The following NALCN variants were observed in gnomAD, a reference collection of about 807,000 sequenced individuals.
The protein encoded by NALCN is sodium leak channel, non-selective, also known as sodium leak channel NALCN.
In NALCN, 111 loss-of-function variants were observed where a neutral mutation model predicts 225.3. That is an observed-to-expected ratio of 0.49 (90% CI 0.42 to 0.58). The LOEUF (loss-of-function observed/expected upper bound fraction) is 0.58. NALCN is among the 20% of genes least tolerant of loss of function. NALCN has a pLI of 0.00. For synonymous variants in NALCN, 764 were observed against 769.0 expected (o/e 0.99, Z 0.11); for missense variants, 1,378 against 2,202.4 (o/e 0.63, Z 7.49).
At chr13:101,163,992 GCTCT>G (rs1319197895) in intron 15 of NALCN, among the ~76,000 whole-genome samples, 3 of 152,026 alleles carry the variant, frequency 2.0e-5, no homozygotes, top group Non-Finnish European at 2.9e-5. Flanking sequence ...ATCACACAGT[GCTCT>G]CTCTGTGTGT....
chr13:101,336,085 A>G lies in NALCN; in HGVS notation c.799+9181T>C, dbSNP rs2045369435. Among the ~76,000 whole-genome samples, 3 of 152,182 alleles carry G rather than the reference A, an allele frequency of 2.0e-5. No individual in the cohort carries two copies. In the South Asian group the frequency reaches 6.2e-4, roughly 32 times the overall value. ...AGAATACTAATAGAAAAAGATATAG[A>G]AAGTTATTTCAAAGTCAAGCAAATC... On this transcript the variant is annotated intron_variant, in intron 7 of 43. Coordinates refer to ENST00000251127, the MANE Select transcript of NALCN (RefSeq NM_052867.4).
Position 101,292,437 on chromosome 13 carries a change from C to G in NALCN, c.800-71G>C. ...AATAAGAAAGCATTTTCCAGAAAAACAATCAATATTTATCCATACTTATTT... is the reference window on the plus strand; with the variant it reads ...AATAAGAAAGCATTTTCCAGAAAAAGAATCAATATTTATCCATACTTATTT... On this transcript the variant is annotated intron_variant, in intron 7 of 43. Transcript: ENST00000251127. This position sits in a 1 kb window ranked among gnomAD's most constrained non-coding sequence, Gnocchi z 4.3. The G allele has an allele frequency of 1.4e-6, 2 of 1,478,404 alleles. No individual in the cohort carries two copies. The highest frequency in any genetic ancestry group is 1.8e-6 in the Non-Finnish European group (2 of 1,093,530). The allele number at this position is 1,478,404 out of a possible 1,614,324, so 91.6% of individuals were successfully genotyped here.
chr13:101,074,570 G>A lies in NALCN; in HGVS notation c.4047C>T (p.Tyr1349=), dbSNP rs779245991. Residue 1349 remains tyrosine (Y), a synonymous_variant, in exon 36 of 44, where the codon TAC becomes TAT. Coordinates refer to ENST00000251127, the MANE Select transcript of NALCN (RefSeq NM_052867.4). ...IVGMFLLLLC[Y]AFAGVVLFGT... is the part of the protein sequence containing the mutation. ...CAAATAAAACAACTCCAGCAAAAGC[G>A]TAACACAGCAGCAAGAGAAACATGC... The A allele has an allele frequency of 1.2e-5, 20 of 1,613,546 alleles. No homozygotes were observed. Among genetic ancestry groups the A allele is most frequent in the Middle Eastern group, 1.7e-4 (1 of 6,060 alleles).
At chr13:101,171,420 T>C (rs1237169449) in intron 15 of NALCN, among the ~76,000 whole-genome samples, 1 of 151,204 alleles carries the variant, frequency 6.6e-6, no homozygotes, top group Non-Finnish European at 1.5e-5. Flanking sequence ...TATGTAATAA[T>C]AGATATACAC....
intron 7 of NALCN, among the ~76,000 whole-genome samples, chr13:101,295,790 G>A (rs952325462): frequency 3.3e-5 from 5 of 152,320 alleles, no homozygotes; most frequent in African/African-American, 1.2e-4. Flanking sequence ...AGTTACAAAG[G>A]CAAAGGCAAT....
At chr13:101,389,897 C>T (rs1032255438) in intron 3 of NALCN, among the ~76,000 whole-genome samples, 9 of 152,146 alleles carry the variant, frequency 5.9e-5, no homozygotes, top group Non-Finnish European at 1.3e-4. Flanking sequence ...GCCTGGCCAA[C>T]GTGGTGAAAC....
At chr13:101,318,206 G>A (rs1294713419) in intron 7 of NALCN, among the ~76,000 whole-genome samples, 1 of 152,094 alleles carries the variant, frequency 6.6e-6, no homozygotes, top group African/African-American at 2.4e-5. Context: ...GGCAGCATTT[G>A]ACTTTCACTA....
At chr13:101,217,586 CTACT>C (rs1390257335) in intron 13 of NALCN, among the ~76,000 whole-genome samples, 1 of 152,168 alleles carries the variant, frequency 6.6e-6, no homozygotes, top group African/African-American at 2.4e-5. Context: ...CTTTCTGACT[CTACT>C]TACTGATGCT....
At chr13:101,263,022 A>C (rs986511947) in intron 10 of NALCN, among the ~76,000 whole-genome samples, 1 of 152,236 alleles carries the variant, frequency 6.6e-6, no homozygotes, top group Non-Finnish European at 1.5e-5. Flanking sequence ...CGGGAATGAG[A>C]AATTAATTAC....
intron 7 of NALCN, among the ~76,000 whole-genome samples, chr13:101,326,519 T>G (rs2044958076): frequency 1.3e-5 from 2 of 152,156 alleles, no homozygotes; most frequent in South Asian, 4.1e-4. Context: ...TCTAATTAGT[T>G]TTTGGAAAAT....
intron 13 of NALCN, among the ~76,000 whole-genome samples, chr13:101,216,468 T>TA (rs2040736025): frequency 1.3e-5 from 2 of 151,996 alleles, no homozygotes; most frequent in Non-Finnish European, 2.9e-5. Flanking sequence ...CTATTGCAAT[T>TA]TAGTGTTTGT....
At chr13:101,225,006 C>A (rs982383045) in intron 13 of NALCN, among the ~76,000 whole-genome samples, 5 of 152,198 alleles carry the variant, frequency 3.3e-5, no homozygotes, top group Non-Finnish European at 7.3e-5. Flanking sequence ...AGCTAGTTTA[C>A]AGCCTCTCCG....
intron 7 of NALCN, among the ~76,000 whole-genome samples, chr13:101,325,402 T>C (rs2044912206): frequency 6.6e-6 from 1 of 152,174 alleles, no homozygotes; most frequent in African/African-American, 2.4e-5. Flanking sequence ...TCTCTCCTTA[T>C]TACAATAGTT....
At position 101,256,765 on chromosome 13, in the gene NALCN, CTTT is replaced by C. The variant is rs59036479; in HGVS notation, c.1266+1675_1266+1677del. ...TAGTATCAGTCTAGGCTTCTTTCTG[CTTT>C]TTTTTTTTTTTTTGAGATGGAGTCT... On this transcript the variant is annotated intron_variant, in intron 11 of 43. Transcript: ENST00000251127. 6.0e-5 allele frequency among the ~76,000 whole-genome samples: 8 copies of C among 133,516 alleles called. No individual in the cohort carries two copies. The East Asian group carries it at 1.5e-3, about 25-fold the overall frequency. The allele number at this position is 133,516 out of a possible 152,430, so 87.6% of individuals were successfully genotyped here.
chr13:101,195,596 C>A (rs1354881556), intron 13 of NALCN, among the ~76,000 whole-genome samples: 1 of 152,146 alleles, frequency 6.6e-6, no homozygotes, highest in African/African-American at 2.4e-5. Context: ...AGTAATGAGA[C>A]AGGAATTTTT....
chr13:101,287,615 G>A (rs1424715460), intron 9 of NALCN, among the ~76,000 whole-genome samples: 10 of 151,954 alleles, frequency 6.6e-5, no homozygotes, highest in African/African-American at 2.2e-4. Context: ...ATATGGGAGT[G>A]ACTGTAAGAA....
Position 101,081,517 on chromosome 13 carries a change from C to T in NALCN, c.3885+10G>A. 1 of 1,613,942 alleles carries T rather than the reference C, an allele frequency of 6.2e-7. No individual in the cohort carries two copies. Among genetic ancestry groups the T allele is most frequent in the Non-Finnish European group, 8.5e-7 (1 of 1,179,962 alleles). On this transcript the variant is annotated intron_variant, in intron 34 of 43. Transcript: ENST00000251127. ...TAATCAGCTGAAATCAACTTGACTT[C>T]TATGCTTACCAGGAGGGCAAAGTGA...
Position 101,283,862 on chromosome 13 carries a change from G to A in NALCN, c.1134+71C>T, listed in dbSNP as rs1054062490. ...ACAAATCTAGAGCTTAAAGAGCTGT[G>A]GATTTTCTTGGATGAAATAAAATTC... On this transcript the variant is annotated intron_variant, in intron 10 of 43. Coordinates refer to ENST00000251127, the MANE Select transcript of NALCN (RefSeq NM_052867.4). 10 of 1,308,516 alleles carry A rather than the reference G, an allele frequency of 7.6e-6. No homozygotes were observed. In the African/African-American group the frequency reaches 1.2e-4, roughly 16 times the overall value. The allele number at this position is 1,308,516 out of a possible 1,614,324, so 81.1% of individuals were successfully genotyped here.
chr13:101,200,843 C>T (rs1431053178), intron 13 of NALCN, among the ~76,000 whole-genome samples: 1 of 152,116 alleles, frequency 6.6e-6, no homozygotes, highest in African/African-American at 2.4e-5. Flanking sequence ...GAGTTTTAAG[C>T]CCTTAAAAAA....
Sources: gnomAD v4.1 joint callset for allele counts (sites outside exome capture counted in the v4.1 genomes callset) on GRCh38, gnomAD v4.1.1 for gene constraint, Gnocchi (gnomAD v3.1) non-coding constraint, MANE v1.5 for transcripts, NCBI Gene and HGNC (gene_info 2026-07-23, HGNC 2026-07-21) for gene names.